COPG1: variants seen among roughly 807,000 people sequenced by gnomAD.
COPG1 encodes coat protein complex I subunit gamma 1, also known as coatomer subunit gamma-1.
Under a neutral mutation model 102.8 loss-of-function variants are expected in COPG1, and 29 were observed. The observed-to-expected ratio is 0.28, with a 90% CI of 0.21 to 0.38. COPG1 has a LOEUF of 0.38. COPG1 is among the 10% of genes least tolerant of loss of function. The pLI is 1.00. For synonymous variants in COPG1, 406 were observed against 421.6 expected, an observed-to-expected ratio of 0.96 and a Z score of 0.45; for missense variants, 875 against 1,132.7, an observed-to-expected ratio of 0.77 and a Z score of 3.27.
chr3:129,261,682 A>G (rs929131866), intron 12 of COPG1, among the ~76,000 whole-genome samples: 1 of 152,224 alleles, frequency 6.6e-6, no homozygotes, highest in African/African-American at 2.4e-5. Context: ...GGAAAGTGAC[A>G]CTGGCATGAC....
intron 21 of COPG1, among the ~76,000 whole-genome samples, chr3:129,273,696 T>C (rs1940220975): frequency 6.6e-6 from 1 of 152,228 alleles, no homozygotes; most frequent in Non-Finnish European, 1.5e-5. Context: ...TAGATACAAA[T>C]TTTTATCTGC....
At chr3:129,272,170 ACCTCCTGGCTTTT>A (rs777864060) in intron 19 of COPG1, 61 bp from the exon 20 acceptor site, 1 of 1,366,414 alleles carries the variant, frequency 7.3e-7, no homozygotes, top group Non-Finnish European at 1.0e-6. Flanking sequence ...AAGAGGTGGG[ACCTCCTGGCTTTT>A]CCTCTGCAGC....
At chr3:129,273,959 C>A in intron 21 of COPG1, 1 of 452,566 alleles carries the variant, frequency 2.2e-6, no homozygotes, top group Non-Finnish European at 4.4e-6. Context: ...CATCTGAGTG[C>A]AGACCATTAT....
rs1489625684 is a variant in COPG1 at position 129,250,693 on chromosome 3, A to G, written c.49A>G (p.Asn17Asp). ...KKDEESGGGS[N>D]PFQHLEKSAV... ...GTCCTTGACCGTAGGTGGAGGCTCC[A>G]ACCCATTCCAGCACCTTGAGAAGAG... is the stretch of plus-strand genomic sequence containing the variant. The change falls in exon 2 of 24, where the codon AAC becomes GAC. Residue 17 changes from asparagine (N) to aspartate (D), a missense_variant. Transcript: ENST00000314797. 6.2e-7 allele frequency: 1 copy of G among 1,613,998 alleles called. No homozygotes were observed. Among genetic ancestry groups the G allele is most frequent in the Non-Finnish European group, 8.5e-7 (1 of 1,180,014 alleles).
At chr3:129,268,832 GGTTA>G (rs1374683077) in intron 17 of COPG1, 96 bp from the exon 18 acceptor site, 5 of 1,214,058 alleles carry the variant, frequency 4.1e-6, no homozygotes, top group Admixed American at 1.7e-5. Flanking sequence ...CTCTCAGGAG[GGTTA>G]GTATTTATAA....
intron 23 of COPG1, 97 bp from the exon 24 acceptor site, chr3:129,277,197 C>T: frequency 7.8e-7 from 1 of 1,279,882 alleles, no homozygotes; most frequent in Non-Finnish European, 1.1e-6. Context: ...TTCACTACAC[C>T]AGAGCTGCCT....
At chr3:129,253,355 TAAG>T (rs1251780556) in intron 5 of COPG1, among the ~76,000 whole-genome samples, 1 of 152,188 alleles carries the variant, frequency 6.6e-6, no homozygotes, top group Non-Finnish European at 1.5e-5. Context: ...TCACTGCCCT[TAAG>T]AACTGGGGCT....
chr3:129,249,884 G>GA, intron 1 of COPG1, 138 bp downstream of exon 1: 1 of 853,122 alleles, frequency 1.2e-6, no homozygotes, highest in East Asian at 2.9e-5. Flanking sequence ...CTAGTCAGTG[G>GA]CAGGCCTCGG....
intron 14 of COPG1, 147 bp from the exon 15 acceptor site, chr3:129,266,877 C>T (rs1453708562): frequency 3.0e-6 from 2 of 673,874 alleles, no homozygotes; most frequent in Non-Finnish European, 5.4e-6. Context: ...GCCACTCACT[C>T]TGTTGGTAGT....
chr3:129,254,706 G>A lies in COPG1; in HGVS notation c.362G>A (p.Arg121Gln), dbSNP rs748961361. 28 of 1,613,976 alleles carry A rather than the reference G, an allele frequency of 1.7e-5. No homozygotes were observed. The highest frequency in any genetic ancestry group is 2.3e-5 in the Non-Finnish European group (27 of 1,179,984). The change falls in exon 6 of 24, where the codon CGG (arginine) becomes CAG (glutamine). Residue 121 changes from arginine to glutamine, a missense_variant. By Grantham distance (43) the Arg-to-Gln change is conservative. Coordinates refer to ENST00000314797, the MANE Select transcript of COPG1 (RefSeq NM_016128.4). ...KDMTGKEDNY[R>Q]GPAVRALCQI... is the part of the protein sequence containing the mutation. Reference sequence around the variant, plus strand: ...ATGACTGGGAAAGAAGACAACTACCGGGGCCCGGCCGTGCGAGCCCTCTGC... The same window carrying A: ...ATGACTGGGAAAGAAGACAACTACCAGGGCCCGGCCGTGCGAGCCCTCTGC...
At position 129,271,505 on chromosome 3, in the gene COPG1, T is replaced by C. The variant is rs1370468610; in HGVS notation, c.1844-262T>C. Among the ~76,000 whole-genome samples the C allele has an allele frequency of 3.9e-5, 6 of 152,164 alleles. No individual in the cohort carries two copies. Among genetic ancestry groups the C allele is most frequent in the Non-Finnish European group, 5.9e-5 (4 of 68,024 alleles). On this transcript the variant is annotated intron_variant, in intron 18 of 23. Transcript: ENST00000314797. This position sits in a 1 kb window ranked among gnomAD's most constrained non-coding sequence, Gnocchi z 4.7. Reference sequence around the variant, plus strand: ...AGGTCTAGGATTTTGTGGTCTCATATCAGTTTTTTGCTTCTGAGGTCTTTC... The same window carrying C: ...AGGTCTAGGATTTTGTGGTCTCATACCAGTTTTTTGCTTCTGAGGTCTTTC...
At position 129,256,228 on chromosome 3, in the gene COPG1, A is replaced by T. The variant is rs146675942; in HGVS notation, c.579+74A>T. On this transcript the variant is annotated intron_variant, in intron 8 of 23. Coordinates refer to ENST00000314797, the MANE Select transcript of COPG1 (RefSeq NM_016128.4). ...AAGGCACTGGCCAGTTGGCATGGAC[A>T]CTTGCCACCGAGATCCTTGTGACCC... 2.8e-5 allele frequency: 34 copies of T among 1,223,614 alleles called. No individual in the cohort carries two copies. The South Asian group carries it at 3.0e-4, about 11-fold the overall frequency. 75.8% of individuals were successfully genotyped at this position (1,223,614 alleles called of 1,614,324 possible). A position where few individuals can be genotyped will look rare whatever the true frequency, so the allele number is the denominator to read the frequency against.
chr3:129,256,253 C>A (rs978183727), intron 8 of COPG1, 99 bp downstream of exon 8: 1 of 956,672 alleles, frequency 1.0e-6, no homozygotes, highest in East Asian at 2.6e-5. Flanking sequence ...CCTTGTGACC[C>A]CTGGCCATAG....
rs758694336 is a variant in COPG1, at chr3:129,263,950, G to A, written c.1175G>A (p.Arg392His). 3.1e-6 allele frequency: 5 copies of A among 1,614,108 alleles called. No homozygotes were observed. Among genetic ancestry groups the A allele is most frequent in the South Asian group, 1.1e-5 (1 of 91,080 alleles). The change falls in exon 13 of 24, where the codon CGC becomes CAC. Residue 392 changes from arginine (R) to histidine (H), a missense_variant. Arg to His is a conservative substitution (Grantham distance 29). Coordinates refer to ENST00000314797, the MANE Select transcript of COPG1 (RefSeq NM_016128.4). ...AGTGCCCTGTGTCAGAAATATCCTC[G>A]CAAACACGCCGTCCTTATGAACTTC... The part of the protein sequence containing the change: ...AISALCQKYP[R>H]KHAVLMNFLF...
chr3:129,277,285 C>A lies in COPG1; in HGVS notation c.2495-9C>A. On this transcript the variant is annotated splice_polypyrimidine_tract_variant and intron_variant, in intron 23 of 23. Transcript: ENST00000314797. ...CTGTATATATCTGTACTTCTCTCTTCCCTTCTAGGTGTGTTCCGGGGTGGT... is the reference window on the plus strand; with the variant it reads ...CTGTATATATCTGTACTTCTCTCTTACCTTCTAGGTGTGTTCCGGGGTGGT... 6.2e-7 allele frequency: 1 copy of A among 1,613,674 alleles called. No homozygotes were observed. The highest frequency in any genetic ancestry group is 8.5e-7 in the Non-Finnish European group (1 of 1,179,820).
At chr3:129,254,824 C>G (rs1939772869) in intron 6 of COPG1, 81 bp downstream of exon 6, 1 of 1,366,158 alleles carries the variant, frequency 7.3e-7, no homozygotes. Flanking sequence ...TTGGGGTGTC[C>G]CCTATCACTG....
At chr3:129,274,354 A>G (rs139482557) in intron 21 of COPG1, among the ~76,000 whole-genome samples, 11 of 152,182 alleles carry the variant, frequency 7.2e-5, no homozygotes, top group African/African-American at 2.6e-4. Context: ...CACAGCTGAA[A>G]TGGAGATAGA....
intron 18 of COPG1, among the ~76,000 whole-genome samples, chr3:129,269,342 T>TA (rs760621687): frequency 2.0e-5 from 3 of 152,178 alleles, no homozygotes; most frequent in Non-Finnish European, 4.4e-5. Context: ...AAGACACTGG[T>TA]ACTTTTTGTC....
intron 13 of COPG1, among the ~76,000 whole-genome samples, chr3:129,265,124 A>G (rs1404038162): frequency 7.0e-6 from 1 of 142,800 alleles, no homozygotes; most frequent in Non-Finnish European, 1.5e-5. Context: ...CCCGGCCTCC[A>G]TCTGTCACCC....
Sources: allele counts gnomAD v4.1 joint callset (sites outside exome capture counted in the v4.1 genomes callset), GRCh38; gene constraint gnomAD v4.1.1; non-coding constraint Gnocchi (gnomAD v3.1); transcripts MANE v1.5; gene names NCBI Gene and HGNC (gene_info 2026-07-23, HGNC 2026-07-21).